DISP3: variants seen among roughly 807,000 people sequenced by gnomAD.
The protein encoded by DISP3 is protein dispatched homolog 3.
In DISP3, 101 loss-of-function variants were observed where a neutral mutation model predicts 135.3. The observed-to-expected ratio is 0.75, with a 90% CI of 0.64 to 0.88. The LOEUF (loss-of-function observed/expected upper bound fraction) is 0.88, where lower values mean the gene tolerates loss of function less well. Ranked by LOEUF, DISP3 falls within the 40% of genes least tolerant of loss-of-function variation. The pLI, the probability that DISP3 is intolerant of heterozygous loss-of-function variation, is 0.00. For missense variants in DISP3, 1,713 were observed against 1,878.6 expected, an observed-to-expected ratio of 0.91 and a Z score of 1.63; for synonymous variants, 856 against 817.0, an observed-to-expected ratio of 1.05 and a Z score of -0.81.
At chr1:11,526,581 C>A (rs751940668) in intron 12 of DISP3, 70 bp from the exon 13 acceptor site, 2 of 1,517,210 alleles carry the variant, frequency 1.3e-6, no homozygotes, top group Non-Finnish European at 9.1e-7. Flanking sequence ...GGGGACGGAG[C>A]CTGAGGCTGG....
chr1:11,514,190 A>G (rs1641935311), intron 3 of DISP3, among the ~76,000 whole-genome samples, 200 bp from the exon 4 acceptor site: 1 of 152,176 alleles, frequency 6.6e-6, no homozygotes, highest in Non-Finnish European at 1.5e-5. Flanking sequence ...GACCCACCCC[A>G]GCAGTTCTGA....
At position 11,537,432 on chromosome 1, in the gene DISP3, C is replaced by A. The variant is rs933128716; in HGVS notation, c.*746C>A. 4 of 152,376 alleles carry A rather than the reference C, an allele frequency of 2.6e-5. No individual in the cohort carries two copies. The highest frequency in any genetic ancestry group is 4.4e-5 in the Non-Finnish European group (3 of 68,162). 9.4% of individuals were successfully genotyped at this position (152,376 alleles called of 1,614,324 possible). A position where few individuals can be genotyped will look rare whatever the true frequency, so the allele number is the denominator to read the frequency against. The stretch of plus-strand genomic sequence containing the variant: ...ACAGCTTTCCTCATGGATCTAAGCC[C>A]CTGTCTTTCCCACCTGACTCTGAGT... On this transcript the variant is annotated 3_prime_UTR_variant, in exon 21 of 21. Transcript: ENST00000294484.
chr1:11,515,104 C>A (rs550961287), intron 4 of DISP3, among the ~76,000 whole-genome samples: 1 of 152,248 alleles, frequency 6.6e-6, no homozygotes, highest in African/African-American at 2.4e-5. Flanking sequence ...ACAGTTCCTA[C>A]CCCCAGGTAA....
In DISP3 at chr1:11,501,619, C is replaced by G. The variant is rs1305862156; in HGVS notation, c.627C>G (p.Pro209=). Residue 209 remains proline (P), a synonymous_variant, in exon 2 of 21, where the codon CCC becomes CCG. Transcript: ENST00000294484. This position sits in a 1 kb window ranked among gnomAD's most constrained non-coding sequence, Gnocchi z 4.9. ...RSGRLRRETP[P]LEDLAANQSE... is the part of the protein sequence containing the mutation. The stretch of plus-strand genomic sequence containing the variant: ...GGCGACTTCGGCGTGAGACCCCGCC[C>G]CTGGAGGATCTGGCAGCCAACCAGA... The G allele has an allele frequency of 3.1e-6, 5 of 1,607,390 alleles. No individual in the cohort carries two copies. Among genetic ancestry groups the G allele is most frequent in the African/African-American group, 1.3e-5 (1 of 74,846 alleles).
rs2100525560 is a variant in DISP3 at position 11,537,278 on chromosome 1, C to G, written c.*592C>G. On this transcript the variant is annotated 3_prime_UTR_variant, in exon 21 of 21. Coordinates refer to ENST00000294484, the MANE Select transcript of DISP3 (RefSeq NM_020780.2). ...GGCCAGTGCTGAATGGCCCTGTGGC[C>G]CTCCCTGGGCCTTTTGGTCTTGGCC... 6.5e-6 allele frequency: 1 copy of G among 152,688 alleles called. No individual in the cohort carries two copies. The highest frequency in any genetic ancestry group is 2.1e-4 in the South Asian group (1 of 4,822). 9.5% of individuals were successfully genotyped at this position (152,688 alleles called of 1,614,324 possible).
At chr1:11,534,667 C>A in intron 18 of DISP3, 127 bp downstream of exon 18, 1 of 1,282,394 alleles carries the variant, frequency 7.8e-7, no homozygotes, top group Non-Finnish European at 1.1e-6. Flanking sequence ...AACCGGGTGG[C>A]ACGGTGGCTG....
intron 18 of DISP3, 51 bp downstream of exon 18, chr1:11,534,591 C>T: frequency 6.4e-7 from 1 of 1,561,098 alleles, no homozygotes; most frequent in Non-Finnish European, 8.7e-7. Flanking sequence ...GGCAGAGGGA[C>T]CTGGGGCCGG....
Position 11,516,270 on chromosome 1 carries a change from C to T in DISP3, c.1749+109C>T, listed in dbSNP as rs1264033968. 1 of 1,329,762 alleles carries T rather than the reference C, an allele frequency of 7.5e-7. No homozygotes were observed. Among genetic ancestry groups the T allele is most frequent in the Non-Finnish European group, 1.0e-6 (1 of 970,430 alleles). The allele number at this position is 1,329,762 out of a possible 1,614,324, so 82.4% of individuals were successfully genotyped here. A position where few individuals can be genotyped will look rare whatever the true frequency, so the allele number is the denominator to read the frequency against. ...GCTTGAGTGGCCATATAGCCTTCAC[C>T]TCAAGGTACTTGCCCTGGCTCTAGA... On this transcript the variant is annotated intron_variant, in intron 6 of 20. Coordinates refer to ENST00000294484, the MANE Select transcript of DISP3 (RefSeq NM_020780.2). This position sits in a 1 kb window ranked among gnomAD's most constrained non-coding sequence, Gnocchi z 5.1.
intron 1 of DISP3, among the ~76,000 whole-genome samples, chr1:11,488,056 G>A (rs1299411973): frequency 6.6e-6 from 1 of 152,184 alleles, no homozygotes; most frequent in African/African-American, 2.4e-5. Context: ...TGAGCAGGGT[G>A]GGGGTGTGAG....
intron 7 of DISP3, among the ~76,000 whole-genome samples, chr1:11,518,433 C>T (rs550766345): frequency 3.3e-5 from 5 of 152,340 alleles, no homozygotes; most frequent in South Asian, 4.1e-4. Context: ...ACAGGTGCCC[C>T]GGCGGAGGCA....
chr1:11,531,854 T>C lies in DISP3; in HGVS notation c.3375+144T>C. ...GACTTGCCTGAGGTCACATAGTTAGTGGGTGTCAGTGTCGAGTGTGAAACC... is the reference window on the plus strand; with the variant it reads ...GACTTGCCTGAGGTCACATAGTTAGCGGGTGTCAGTGTCGAGTGTGAAACC... On this transcript the variant is annotated intron_variant, in intron 17 of 20. Transcript: ENST00000294484. The surrounding 1 kb of genome is among the most constrained non-coding windows in gnomAD (Gnocchi z 5.2). 1 of 1,203,036 alleles carries C rather than the reference T, an allele frequency of 8.3e-7. No homozygotes were observed. The highest frequency in any genetic ancestry group is 1.1e-6 in the Non-Finnish European group (1 of 892,588). 74.5% of individuals were successfully genotyped at this position (1,203,036 alleles called of 1,614,324 possible).
At chr1:11,503,891 G>T (rs1473275519) in intron 3 of DISP3, among the ~76,000 whole-genome samples, 1 of 152,150 alleles carries the variant, frequency 6.6e-6, no homozygotes, top group Admixed American at 6.5e-5. Flanking sequence ...ACTAAGAGAT[G>T]AGCTAACAGA....
At chr1:11,507,379 TA>T (rs1255950916) in intron 3 of DISP3, among the ~76,000 whole-genome samples, 2 of 152,106 alleles carry the variant, frequency 1.3e-5, no homozygotes, top group Admixed American at 1.3e-4. Context: ...CAAAAGCTGC[TA>T]AAAAAAATCA....
intron 11 of DISP3, 43 bp from the exon 12 acceptor site, chr1:11,525,133 C>G: frequency 1.2e-6 from 2 of 1,605,292 alleles, no homozygotes; most frequent in Non-Finnish European, 1.7e-6. Flanking sequence ...AGAAGCCAGT[C>G]GAGGTCAAGT....
At chr1:11,522,882 GCCCAGCCAGGA>G (rs200662780) in intron 10 of DISP3, among the ~76,000 whole-genome samples, 1,261 of 48,110 alleles carry the variant, frequency 0.026, 26 homozygotes, top group Middle Eastern at 0.054. Flanking sequence ...CCCAGCCAGA[GCCCAGCCAGGA>G]CCCAGCCAGA....
At chr1:11,490,654 G>A (rs1641159432) in intron 1 of DISP3, among the ~76,000 whole-genome samples, 1 of 152,176 alleles carries the variant, frequency 6.6e-6, no homozygotes, top group African/African-American at 2.4e-5. Flanking sequence ...AGTGCTGATG[G>A]GTCTTGGAGG....
intron 12 of DISP3, among the ~76,000 whole-genome samples, chr1:11,525,580 C>CTCAGTTTCCTCA (rs1553156537): frequency 6.6e-6 from 1 of 152,240 alleles, no homozygotes; most frequent in African/African-American, 2.4e-5. Flanking sequence ...CTCTCTGAGC[C>CTCAGTTTCCTCA]TCAGTTTCCT....
intron 1 of DISP3, among the ~76,000 whole-genome samples, chr1:11,487,544 C>T (rs1177646237): frequency 6.6e-6 from 1 of 152,250 alleles, no homozygotes; most frequent in East Asian, 1.9e-4. Context: ...TTGCATCATT[C>T]CCGCTGTCAC....
At chr1:11,521,500 G>T (rs1337035460) in intron 10 of DISP3, among the ~76,000 whole-genome samples, 2 of 131,642 alleles carry the variant, frequency 1.5e-5, no homozygotes, top group Admixed American at 1.5e-4. Flanking sequence ...GGAAAGGGTG[G>T]GGTTAGCCAG....
Sources: gnomAD v4.1 joint callset for allele counts (sites outside exome capture counted in the v4.1 genomes callset) on GRCh38, gnomAD v4.1.1 for gene constraint, Gnocchi (gnomAD v3.1) non-coding constraint, MANE v1.5 for transcripts, NCBI Gene and HGNC (gene_info 2026-07-23, HGNC 2026-07-21) for gene names.